GMDS: variants seen among roughly 807,000 people sequenced by gnomAD.
The protein encoded by GMDS is GDP-mannose 4,6 dehydratase.
A neutral mutation model predicts 49.9 loss-of-function variants in GMDS; 20 were observed. That is an observed-to-expected ratio of 0.40 (90% CI 0.28 to 0.58). GMDS has a LOEUF of 0.58. Among genes scored for constraint, GMDS ranks in the 20% least tolerant of loss-of-function variants. The probability of loss-of-function intolerance (pLI) is 0.42; values close to 1 mark genes in which losing one functional copy is unlikely to be tolerated. For missense variants in GMDS, 362 were observed against 481.4 expected (o/e 0.75, Z 2.32); for synonymous variants, 177 against 178.6 (o/e 0.99, Z 0.07).
At chr6:1,786,973 C>G (rs181722895) in intron 7 of GMDS, among the ~76,000 whole-genome samples, 1 of 152,194 alleles carries the variant, frequency 6.6e-6, no homozygotes, top group African/African-American at 2.4e-5. Context: ...ACTCTGCCAG[C>G]GCGTACCCAC....
intron 7 of GMDS, among the ~76,000 whole-genome samples, chr6:1,785,887 G>T (rs1428989308): frequency 6.6e-6 from 1 of 152,228 alleles, no homozygotes; most frequent in Non-Finnish European, 1.5e-5. Context: ...AAGAAGGGAT[G>T]ACATTTCCTT....
intron 9 of GMDS, among the ~76,000 whole-genome samples, chr6:1,665,340 C>T (rs760406885): frequency 6.6e-6 from 1 of 152,102 alleles, no homozygotes; most frequent in Admixed American, 6.5e-5. Flanking sequence ...AGGTAATGGG[C>T]CAGCCTAAGA....
At chr6:1,867,357 C>T (rs985713782) in intron 7 of GMDS, among the ~76,000 whole-genome samples, 2 of 152,142 alleles carry the variant, frequency 1.3e-5, no homozygotes, top group Non-Finnish European at 2.9e-5. Context: ...TTTACTTATA[C>T]TACTACAGGG....
chr6:1,885,819 A>G (rs1759574917), intron 7 of GMDS, among the ~76,000 whole-genome samples: 1 of 152,220 alleles, frequency 6.6e-6, no homozygotes, highest in Non-Finnish European at 1.5e-5. Flanking sequence ...ACCATGCTGC[A>G]TCCAGCCGCA....
intron 4 of GMDS, among the ~76,000 whole-genome samples, chr6:2,022,014 G>T (rs1160210767): frequency 1.3e-5 from 2 of 152,182 alleles, no homozygotes; most frequent in East Asian, 3.9e-4. Flanking sequence ...GATGAGAAAA[G>T]CTGGACTTGA....
intron 9 of GMDS, among the ~76,000 whole-genome samples, chr6:1,670,361 T>C (rs1581436908): frequency 6.8e-6 from 1 of 147,186 alleles, no homozygotes; most frequent in Admixed American, 6.8e-5. Flanking sequence ...TGTTTCTGGG[T>C]TTTTTTTGGT....
intron 4 of GMDS, among the ~76,000 whole-genome samples, chr6:1,979,944 C>G (rs1408026661): frequency 1.3e-5 from 2 of 152,190 alleles, no homozygotes; most frequent in Non-Finnish European, 2.9e-5. Context: ...TCTGTCCAAA[C>G]TAAGCTTCAT....
intron 4 of GMDS, among the ~76,000 whole-genome samples, chr6:2,021,955 C>T (rs543983124): frequency 2.0e-5 from 3 of 152,304 alleles, no homozygotes; most frequent in Non-Finnish European, 2.9e-5. Flanking sequence ...ATTGCTAACA[C>T]AGCAGGCCCA....
At chr6:2,218,688 T>G (rs1423305996) in intron 1 of GMDS, among the ~76,000 whole-genome samples, 6 of 152,234 alleles carry the variant, frequency 3.9e-5, no homozygotes. Context: ...ACAATTGTAA[T>G]TATGAATCTT....
intron 6 of GMDS, among the ~76,000 whole-genome samples, chr6:1,937,256 C>T (rs944836133): frequency 6.6e-6 from 1 of 152,134 alleles, no homozygotes; most frequent in African/African-American, 2.4e-5. Flanking sequence ...GGTTCCGTGA[C>T]GCATGACTGT....
chr6:1,699,961 C>A (rs1765484540), intron 9 of GMDS, among the ~76,000 whole-genome samples: 1 of 152,210 alleles, frequency 6.6e-6, no homozygotes, highest in Admixed American at 6.5e-5. Flanking sequence ...GCATCTCACC[C>A]ATGTTCTCCA....
In GMDS at chr6:1,823,895, T is replaced by G. The variant is rs373946614; in HGVS notation, c.772-81309A>C. On this transcript the variant is annotated intron_variant, in intron 7 of 10. Coordinates refer to ENST00000380815, the MANE Select transcript of GMDS (RefSeq NM_001500.4). ...CTCAAAAAGAAAAGAAAACCCAACC[T>G]CACCACCACTTGCTACACCAGAATG... Among the ~76,000 whole-genome samples the G allele has an allele frequency of 7.9e-5, 12 of 152,098 alleles. No homozygotes were observed. In the East Asian group the frequency reaches 1.7e-3, roughly 22 times the overall value.
intron 7 of GMDS, among the ~76,000 whole-genome samples, chr6:1,812,500 A>T (rs1770478604): frequency 6.6e-6 from 1 of 151,714 alleles, no homozygotes; most frequent in African/African-American, 2.4e-5. Flanking sequence ...AAAAAAGAAG[A>T]AAGGGCAGAG....
intron 9 of GMDS, among the ~76,000 whole-genome samples, chr6:1,708,759 G>A (rs1199138249): frequency 2.0e-5 from 3 of 152,240 alleles, no homozygotes; most frequent in African/African-American, 7.2e-5. Context: ...TCTGAGTACT[G>A]CCATCTGAAA....
chr6:2,031,569 A>G (rs1205522275), intron 4 of GMDS, among the ~76,000 whole-genome samples: 1 of 152,186 alleles, frequency 6.6e-6, no homozygotes, highest in Non-Finnish European at 1.5e-5. Flanking sequence ...GGGTGACCAG[A>G]GATGGTCTCA....
intron 9 of GMDS, among the ~76,000 whole-genome samples, chr6:1,712,790 G>C (rs774188287): frequency 6.6e-6 from 1 of 152,100 alleles, no homozygotes. Context: ...CCAAGATCAT[G>C]AAACAGGCAG....
intron 6 of GMDS, among the ~76,000 whole-genome samples, chr6:1,948,260 T>G (rs1763182778): frequency 6.6e-6 from 1 of 152,138 alleles, no homozygotes; most frequent in African/African-American, 2.4e-5. Flanking sequence ...CCATAACAAA[T>G]AGTGGAAAAG....
At chr6:2,148,124 G>A (rs983331808) in intron 1 of GMDS, among the ~76,000 whole-genome samples, 3 of 152,010 alleles carry the variant, frequency 2.0e-5, no homozygotes, top group Non-Finnish European at 4.4e-5. Context: ...TCACATTTTT[G>A]TCAGACGTTG....
chr6:1,737,350 C>T (rs541958887), intron 8 of GMDS, among the ~76,000 whole-genome samples: 1 of 152,266 alleles, frequency 6.6e-6, no homozygotes, highest in South Asian at 2.1e-4. Flanking sequence ...AAGTATTTGC[C>T]TGTTTGGGTT....
Sources: allele counts gnomAD v4.1 joint callset (sites outside exome capture counted in the v4.1 genomes callset), GRCh38; gene constraint gnomAD v4.1.1; transcripts MANE v1.5; gene names NCBI Gene and HGNC (gene_info 2026-07-23, HGNC 2026-07-21).